Variants in NEDD4 observed in about 807,000 individuals in gnomAD.
NEDD4 encodes E3 ubiquitin-protein ligase NEDD4.
NEDD4 carries 99 observed loss-of-function variants against 144.9 expected under a neutral mutation model. The ratio of observed to expected loss-of-function variants is 0.68; its 90% CI spans 0.58 to 0.81. The LOEUF (loss-of-function observed/expected upper bound fraction) is 0.81, where lower values mean the gene tolerates loss of function less well. NEDD4 is among the 30% of genes least tolerant of loss of function. The pLI, the probability that NEDD4 is intolerant of heterozygous loss-of-function variation, is 0.00. For missense variants in NEDD4, 985 were observed against 1,065.9 expected (o/e 0.92, Z 1.06); for synonymous variants, 318 against 350.6 (o/e 0.91, Z 1.04).
intron 1 of NEDD4, 127 bp downstream of exon 1, chr15:55,993,384 G>C: frequency 8.1e-7 from 1 of 1,239,710 alleles, no homozygotes; most frequent in Non-Finnish European, 1.1e-6. Context: ...GCGCTCCCCA[G>C]GCTCGCGCCG....
Position 55,829,652 on chromosome 15 carries a change from G to A in NEDD4, c.*245C>T. Reference sequence around the variant, plus strand: ...GAACTCTAAAGCCAGGTGTGGTGGTGCCTGGCTTTAGGCAGGCACCTAACT... The same window carrying A: ...GAACTCTAAAGCCAGGTGTGGTGGTACCTGGCTTTAGGCAGGCACCTAACT... On this transcript the variant is annotated 3_prime_UTR_variant, in exon 29 of 29. Transcript: ENST00000435532. The A allele has an allele frequency of 2.7e-6, 1 of 374,354 alleles. No homozygotes were observed. Among genetic ancestry groups the A allele is most frequent in the Non-Finnish European group, 4.9e-6 (1 of 205,974 alleles). 23.2% of individuals were successfully genotyped at this position (374,354 alleles called of 1,614,324 possible). A position where few individuals can be genotyped will look rare whatever the true frequency, so the allele number is the denominator to read the frequency against.
At chr15:55,831,456 G>A (rs1382019398) in intron 27 of NEDD4, among the ~76,000 whole-genome samples, 4 of 152,128 alleles carry the variant, frequency 2.6e-5, no homozygotes, top group Non-Finnish European at 5.9e-5. Flanking sequence ...GGCCAGAGAC[G>A]GAAAGGGGCA....
chr15:55,946,182 A>G (rs1182018818), intron 4 of NEDD4, among the ~76,000 whole-genome samples: 2 of 152,208 alleles, frequency 1.3e-5, no homozygotes, highest in African/African-American at 4.8e-5. Flanking sequence ...AATGGGCTAA[A>G]TGCCCCCATT....
Position 55,880,997 on chromosome 15 carries a change from C to T in NEDD4, c.292-6989G>A, listed in dbSNP as rs755998430. Among the ~76,000 whole-genome samples the T allele has an allele frequency of 7.2e-5, 11 of 152,054 alleles. No homozygotes were observed. In the East Asian group the frequency reaches 1.2e-3, roughly 16 times the overall value. ...ACAGGTATATCCAAGAAAAGGAGTACGGTTGGAGTCTAAGGCCTAACAAAT... is the reference window on the plus strand; with the variant it reads ...ACAGGTATATCCAAGAAAAGGAGTATGGTTGGAGTCTAAGGCCTAACAAAT... On this transcript the variant is annotated intron_variant, in intron 5 of 28. Transcript: ENST00000435532.
chr15:55,863,458 A>C (rs1295644809), intron 8 of NEDD4, among the ~76,000 whole-genome samples: 1 of 152,198 alleles, frequency 6.6e-6, no homozygotes, highest in African/African-American at 2.4e-5. Context: ...AAAAGTAATA[A>C]AAGTATGTGA....
At chr15:55,901,805 C>G (rs1262633397) in intron 5 of NEDD4, among the ~76,000 whole-genome samples, 1 of 152,056 alleles carries the variant, frequency 6.6e-6, no homozygotes, top group Non-Finnish European at 1.5e-5. Flanking sequence ...CAGACACTCT[C>G]ACAACAATAT....
chr15:55,834,727 G>A (rs2033115849), intron 24 of NEDD4, among the ~76,000 whole-genome samples: 1 of 152,180 alleles, frequency 6.6e-6, no homozygotes, highest in South Asian at 2.1e-4. Flanking sequence ...GTGAGATCCT[G>A]TCTCAAAACA....
rs117665158 is a variant in NEDD4, at chr15:55,912,613, A to G, written c.291+12033T>C. ...ACATAGGAGATTTAGAAAACAACAG[A>G]TGGGGGAAACAAAATAACAGTAGAG... On this transcript the variant is annotated intron_variant, in intron 5 of 28. Coordinates refer to ENST00000435532, the MANE Select transcript of NEDD4 (RefSeq NM_006154.4). 3.5e-3 allele frequency among the ~76,000 whole-genome samples: 532 copies of G among 152,264 alleles called. 1 individual carries two copies. The highest frequency in any genetic ancestry group is 5.9e-3 in the Admixed American group (91 of 15,306).
At chr15:55,940,920 A>G (rs2036991498) in intron 4 of NEDD4, among the ~76,000 whole-genome samples, 2 of 152,176 alleles carry the variant, frequency 1.3e-5, no homozygotes, top group Admixed American at 1.3e-4. Context: ...AATAAATTAT[A>G]ACATTAATTC....
chr15:55,860,879 T>C, intron 9 of NEDD4, 101 bp from the exon 10 acceptor site: 1 of 982,430 alleles, frequency 1.0e-6, no homozygotes, highest in Non-Finnish European at 1.5e-6. Flanking sequence ...ATTACATCAA[T>C]AAAAAAATTT....
At chr15:55,944,455 A>G (rs1295352221) in intron 4 of NEDD4, among the ~76,000 whole-genome samples, 1 of 152,136 alleles carries the variant, frequency 6.6e-6, no homozygotes, top group East Asian at 1.9e-4. Flanking sequence ...ACCATTGCTG[A>G]GGCTTGAGTA....
intron 2 of NEDD4, among the ~76,000 whole-genome samples, chr15:55,954,650 A>G (rs1436541209): frequency 1.3e-5 from 2 of 151,782 alleles, no homozygotes; most frequent in Non-Finnish European, 2.9e-5. Context: ...TCAGCCTCCC[A>G]AGTAGCTGGG....
At chr15:55,983,150 T>C (rs12913147) in intron 1 of NEDD4, among the ~76,000 whole-genome samples, 9,346 of 151,832 alleles carry the variant, frequency 0.062, 376 homozygotes, top group East Asian at 0.16. Flanking sequence ...AGGTGATATA[T>C]TTTAGGCAGA....
chr15:55,829,441 T>C lies in NEDD4; in HGVS notation c.*456A>G, dbSNP rs1163013673. ...TTTACTCAATAGTAAAGTATTTCTT[T>C]TTCCAAATTTCAGTTTTCCATCTCA... is the stretch of plus-strand genomic sequence containing the variant. On this transcript the variant is annotated 3_prime_UTR_variant, in exon 29 of 29. Coordinates refer to ENST00000435532, the MANE Select transcript of NEDD4 (RefSeq NM_006154.4). The C allele has an allele frequency of 6.5e-6, 1 of 155,012 alleles. No individual in the cohort carries two copies. The highest frequency in any genetic ancestry group is 2.4e-5 in the African/African-American group (1 of 41,470). 9.6% of individuals were successfully genotyped at this position (155,012 alleles called of 1,614,324 possible). A position where few individuals can be genotyped will look rare whatever the true frequency, so the allele number is the denominator to read the frequency against.
chr15:55,848,284 G>T, intron 17 of NEDD4, 88 bp downstream of exon 17: 2 of 1,240,828 alleles, frequency 1.6e-6, no homozygotes. Context: ...TCCTCTCAAT[G>T]CCTGTAGGGT....
intron 5 of NEDD4, among the ~76,000 whole-genome samples, chr15:55,897,511 T>C (rs1047013109): frequency 2.6e-5 from 4 of 152,208 alleles, no homozygotes; most frequent in African/African-American, 9.6e-5. Context: ...ATCACTAGAT[T>C]CTTAAAGTCC....
At chr15:55,993,485 G>A (rs776959817) in intron 1 of NEDD4, 26 bp downstream of exon 1, 26 of 1,592,976 alleles carry the variant, frequency 1.6e-5, no homozygotes, top group South Asian at 2.2e-5. Context: ...AGGGAAGCCC[G>A]CCCCGCAGCC....
chr15:55,915,459 G>A, intron 5 of NEDD4: 1 of 1,613,772 alleles, frequency 6.2e-7, no homozygotes, highest in South Asian at 1.1e-5. Flanking sequence ...TCCTCCCAAT[G>A]AAATACTTCT....
At chr15:55,989,094 G>C (rs2037946345) in intron 1 of NEDD4, among the ~76,000 whole-genome samples, 1 of 152,060 alleles carries the variant, frequency 6.6e-6, no homozygotes, top group Non-Finnish European at 1.5e-5. Flanking sequence ...AAATTAGCTG[G>C]GCGTGGTGGT....
Sources: allele counts gnomAD v4.1 joint callset (sites outside exome capture counted in the v4.1 genomes callset), GRCh38; gene constraint gnomAD v4.1.1; transcripts MANE v1.5; gene names NCBI Gene and HGNC (gene_info 2026-07-23, HGNC 2026-07-21).